The following SPAG16 variants were observed in gnomAD, a reference collection of about 807,000 sequenced individuals.
The protein encoded by SPAG16 is sperm-associated antigen 16 protein.
SPAG16 carries 86 observed loss-of-function variants against 80.4 expected under a neutral mutation model. That is an observed-to-expected ratio of 1.07 (90% CI 0.90 to 1.28). The LOEUF (loss-of-function observed/expected upper bound fraction) is 1.28, where lower values mean the gene tolerates loss of function less well. Ranked by LOEUF, SPAG16 falls within the 50% of genes most tolerant of loss-of-function variation. The pLI is 0.00. For missense variants in SPAG16, 870 were observed against 765.3 expected, an observed-to-expected ratio of 1.14 and a Z score of -1.61; for synonymous variants, 294 against 265.9, an observed-to-expected ratio of 1.11 and a Z score of -1.03.
intron 13 of SPAG16, among the ~76,000 whole-genome samples, chr2:214,100,734 C>T (rs552073364): frequency 3.9e-5 from 6 of 152,178 alleles, no homozygotes; most frequent in South Asian, 2.1e-4. Context: ...TTCTTTTTTA[C>T]GCCTGAATAG....
At chr2:214,329,198 TGTGG>T (rs1375038377) in intron 15 of SPAG16, among the ~76,000 whole-genome samples, 1 of 152,224 alleles carries the variant, frequency 6.6e-6, no homozygotes, top group Non-Finnish European at 1.5e-5. Flanking sequence ...AAATCAGCTC[TGTGG>T]GGTGCAGAGT....
chr2:214,348,708 C>A (rs1225588142), intron 15 of SPAG16, among the ~76,000 whole-genome samples: 1 of 152,144 alleles, frequency 6.6e-6, no homozygotes, highest in Non-Finnish European at 1.5e-5. Flanking sequence ...AGACCCTCCA[C>A]ACCAGCTCAT....
intron 15 of SPAG16, among the ~76,000 whole-genome samples, chr2:214,180,274 A>G (rs936445439): frequency 6.6e-5 from 10 of 151,584 alleles, no homozygotes; most frequent in Non-Finnish European, 1.3e-4. Flanking sequence ...ACATTTCTGC[A>G]TATTTCATGG....
chr2:213,737,644 C>T (rs34892063), intron 10 of SPAG16, among the ~76,000 whole-genome samples: 169 of 152,068 alleles, frequency 1.1e-3, no homozygotes, highest in South Asian at 3.5e-3. Flanking sequence ...CCCGCCACCA[C>T]GCCCGGCTAA....
chr2:213,284,787 A>G, intron 1 of SPAG16, 168 bp downstream of exon 1: 1 of 1,010,968 alleles, frequency 9.9e-7, no homozygotes, highest in Non-Finnish European at 1.4e-6. Context: ...CCTGAGAGCC[A>G]CTCACTGAAT....
chr2:214,206,159 A>G (rs1365572718), intron 15 of SPAG16, among the ~76,000 whole-genome samples: 1 of 151,920 alleles, frequency 6.6e-6, no homozygotes, highest in African/African-American at 2.4e-5. Flanking sequence ...TTGCACCACT[A>G]CAGAGTGACA....
At chr2:214,015,128 A>G (rs1376763104) in intron 13 of SPAG16, among the ~76,000 whole-genome samples, 2 of 152,170 alleles carry the variant, frequency 1.3e-5, no homozygotes, top group Admixed American at 6.6e-5. Context: ...GCATGATCCA[A>G]GGCTGGAGTT....
rs541958432 is a variant in SPAG16, at chr2:213,756,768, A to C, written c.1071-105717A>C. ...TATTTATTTAAAAAGACACTCAAAT[A>C]GTTTTTTTTTATATGAAGAAAGTAA... On this transcript the variant is annotated intron_variant, in intron 10 of 15. Coordinates refer to ENST00000331683, the MANE Select transcript of SPAG16 (RefSeq NM_024532.5). 1.6e-3 allele frequency among the ~76,000 whole-genome samples: 46 copies of C among 28,114 alleles called. No homozygotes were observed. The Non-Finnish European group carries it at 0.033, about 20-fold the overall frequency. 18.4% of individuals were successfully genotyped at this position (28,114 alleles called of 152,430 possible). A position where few individuals can be genotyped will look rare whatever the true frequency, so the allele number is the denominator to read the frequency against.
chr2:214,003,850 A>T (rs181091478), intron 12 of SPAG16, among the ~76,000 whole-genome samples: 1 of 152,346 alleles, frequency 6.6e-6, no homozygotes, highest in East Asian at 1.9e-4. Flanking sequence ...TCTAAGACAC[A>T]TCACAGCCTT....
intron 10 of SPAG16, among the ~76,000 whole-genome samples, chr2:213,700,218 TA>T (rs1198236869): frequency 0.039 from 5,525 of 141,694 alleles, 328 homozygotes; most frequent in African/African-American, 0.13. Context: ...TTTTGACTGC[TA>T]AAAAAAAAAA....
intron 15 of SPAG16, among the ~76,000 whole-genome samples, chr2:214,275,117 G>A (rs985974841): frequency 1.3e-5 from 2 of 152,146 alleles, no homozygotes; most frequent in African/African-American, 2.4e-5. Context: ...ATGGTAGTTT[G>A]TATTTCTGTG....
At chr2:213,631,149 A>G (rs2062136470) in intron 10 of SPAG16, among the ~76,000 whole-genome samples, 1 of 152,166 alleles carries the variant, frequency 6.6e-6, no homozygotes, top group Non-Finnish European at 1.5e-5. Flanking sequence ...AGAAACTTAT[A>G]CTTGCTAGTT....
At chr2:213,351,778 A>G (rs1165930068) in intron 7 of SPAG16, among the ~76,000 whole-genome samples, 1 of 152,176 alleles carries the variant, frequency 6.6e-6, no homozygotes, top group Non-Finnish European at 1.5e-5. Context: ...TCGAAAATGC[A>G]AAACATCATT....
chr2:213,742,996 C>T (rs962887202), intron 10 of SPAG16, among the ~76,000 whole-genome samples: 4 of 152,084 alleles, frequency 2.6e-5, no homozygotes, highest in Admixed American at 1.3e-4. Flanking sequence ...CTCCACCTCC[C>T]GCGTTCACGC....
intron 5 of SPAG16, among the ~76,000 whole-genome samples, chr2:213,333,431 A>G (rs539820930): frequency 5.3e-5 from 8 of 152,216 alleles, no homozygotes; most frequent in Admixed American, 5.2e-4. Flanking sequence ...TACTACCCTA[A>G]GCAACCTACA....
chr2:213,609,449 G>A (rs980525113), intron 10 of SPAG16, among the ~76,000 whole-genome samples: 5 of 151,906 alleles, frequency 3.3e-5, no homozygotes, highest in Non-Finnish European at 5.9e-5. Context: ...TTTCCTCTTC[G>A]TGGTCTTTTA....
intron 12 of SPAG16, among the ~76,000 whole-genome samples, chr2:213,977,470 A>G (rs183185893): frequency 1.1e-4 from 17 of 152,114 alleles, no homozygotes; most frequent in African/African-American, 3.6e-4. Context: ...CAGACAACAG[A>G]GGATAATAGT....
At chr2:214,023,455 A>G (rs1450446615) in intron 13 of SPAG16, among the ~76,000 whole-genome samples, 1 of 151,726 alleles carries the variant, frequency 6.6e-6, no homozygotes, top group Non-Finnish European at 1.5e-5. Context: ...AATGCATAAG[A>G]TTTTCAGAAC....
intron 10 of SPAG16, among the ~76,000 whole-genome samples, chr2:213,768,414 C>A (rs1011707659): frequency 2.0e-5 from 3 of 152,126 alleles, no homozygotes. Flanking sequence ...ACTCTGAAAG[C>A]TCTGTTGTGA....
Sources: allele counts gnomAD v4.1 joint callset (sites outside exome capture counted in the v4.1 genomes callset), GRCh38; gene constraint gnomAD v4.1.1; transcripts MANE v1.5; gene names NCBI Gene and HGNC (gene_info 2026-07-23, HGNC 2026-07-21).